The following IL17RC variants were observed in gnomAD, a reference collection of about 807,000 sequenced individuals.
IL17RC encodes interleukin 17 receptor C, also known as interleukin-17 receptor C.
Under a neutral mutation model 86.7 loss-of-function variants are expected in IL17RC, and 53 were observed. That is an observed-to-expected ratio of 0.61 (90% CI 0.49 to 0.77). The LOEUF (loss-of-function observed/expected upper bound fraction) is 0.77, where lower values mean the gene tolerates loss of function less well. Among genes scored for constraint, IL17RC ranks in the 30% least tolerant of loss-of-function variants. IL17RC has a pLI of 0.00. For missense variants in IL17RC, 957 were observed against 940.0 expected, an observed-to-expected ratio of 1.02 and a Z score of -0.24; for synonymous variants, 439 against 413.1, an observed-to-expected ratio of 1.06 and a Z score of -0.76.
Position 9,918,133 on chromosome 3 carries a change from A to C in IL17RC, c.280+58A>C, listed in dbSNP as rs940516546. 8.5e-6 allele frequency: 13 copies of C among 1,524,180 alleles called. No individual in the cohort carries two copies. In the African/African-American group the frequency reaches 1.4e-4, roughly 16 times the overall value. The allele number at this position is 1,524,180 out of a possible 1,614,324, so 94.4% of individuals were successfully genotyped here. A position where few individuals can be genotyped will look rare whatever the true frequency, so the allele number is the denominator to read the frequency against. On this transcript the variant is annotated intron_variant, in intron 3 of 18. Coordinates refer to ENST00000403601, the MANE Select transcript of IL17RC (RefSeq NM_153460.4). ...ACACGTGAGTGTGTCTGGGGTGGGC[A>C]TGAGGGCCAGGGGATCTCTCAAGCA...
chr3:9,918,992 T>G (rs1055929780), intron 5 of IL17RC: 9 of 160,216 alleles, frequency 5.6e-5, no homozygotes, highest in Admixed American at 4.5e-4. Context: ...CTTCCCATCT[T>G]TGCCAACACT....
chr3:9,932,472 C>A, intron 16 of IL17RC, 136 bp from the exon 17 acceptor site: 1 of 805,286 alleles, frequency 1.2e-6, no homozygotes, highest in East Asian at 2.5e-5. Flanking sequence ...GTGATCTGCC[C>A]GCCTCGGCCT....
Position 9,917,539 on chromosome 3 carries a change from C to G in IL17RC, c.105+119C>G, listed in dbSNP as rs1273968107. 8.1e-6 allele frequency: 13 copies of G among 1,614,058 alleles called. No individual in the cohort carries two copies. The highest frequency in any genetic ancestry group is 1.7e-5 in the Admixed American group (1 of 60,006). On this transcript the variant is annotated intron_variant, in intron 1 of 18. Transcript: ENST00000403601. ...GCCAGAACTGCCCTGTCTGGTCTGT[C>G]TGGTGCTGATGGTAGAAGAGAAGAA...
At chr3:9,927,591 C>T (rs1444314122) in intron 9 of IL17RC, among the ~76,000 whole-genome samples, 1 of 151,076 alleles carries the variant, frequency 6.6e-6, no homozygotes, top group Non-Finnish European at 1.5e-5. Context: ...TTTAATTATC[C>T]AAGGTCTCTT....
intron 6 of IL17RC, 23 bp downstream of exon 6, chr3:9,920,625 G>GC (rs1452571096): frequency 1.3e-6 from 2 of 1,484,566 alleles, no homozygotes; most frequent in Non-Finnish European, 1.9e-6. Context: ...CCAAGTCCTG[G>GC]CCCCCTAGCC....
At chr3:9,929,711 C>T in intron 12 of IL17RC, 141 bp from the exon 13 acceptor site, 1 of 840,602 alleles carries the variant, frequency 1.2e-6, no homozygotes, top group South Asian at 1.4e-5. Flanking sequence ...AATCACCCAG[C>T]CTTGAATCCA....
chr3:9,924,346 G>T, intron 9 of IL17RC, 55 bp downstream of exon 9: 1 of 1,530,856 alleles, frequency 6.5e-7, no homozygotes, highest in Non-Finnish European at 9.0e-7. Flanking sequence ...TGATGATGGG[G>T]GTGATCCCTG....
chr3:9,933,227 G>T lies in IL17RC; in HGVS notation c.1797G>T (p.Gly599=), dbSNP rs770588776. 7 of 1,606,644 alleles carry T rather than the reference G, an allele frequency of 4.4e-6. No individual in the cohort carries two copies. The Middle Eastern group carries it at 5.2e-4, about 119-fold the overall frequency. The change falls in exon 19 of 19, where the codon GGG becomes GGT. Residue 599 remains glycine, a synonymous_variant. Coordinates refer to ENST00000403601, the MANE Select transcript of IL17RC (RefSeq NM_153460.4). The stretch of plus-strand genomic sequence containing the variant: ...AGTGGCTACAGGATGGGGTGTCCGG[G>T]CCCGGGGCGCACGGCCCGCACGACG... ...CSEWLQDGVS[G]PGAHGPHDAF... is the part of the protein sequence containing the mutation.
At chr3:9,927,081 G>A (rs562988989) in intron 9 of IL17RC, among the ~76,000 whole-genome samples, 32 of 152,282 alleles carry the variant, frequency 2.1e-4, no homozygotes, top group African/African-American at 7.5e-4. Flanking sequence ...CCACATAGTC[G>A]GTGTTCCTAA....
intron 5 of IL17RC, among the ~76,000 whole-genome samples, chr3:9,920,088 G>A (rs895943405): frequency 6.6e-6 from 1 of 152,214 alleles, no homozygotes; most frequent in African/African-American, 2.4e-5. Flanking sequence ...TGTAGACTGG[G>A]AGAACATCTG....
chr3:9,929,969 C>A, intron 13 of IL17RC, 59 bp from the exon 14 acceptor site: 1 of 1,613,586 alleles, frequency 6.2e-7, no homozygotes, highest in Non-Finnish European at 8.5e-7. Flanking sequence ...GGGAGGCAGG[C>A]AAGTGGCCAA....
At position 9,928,149 on chromosome 3, in the gene IL17RC, C is replaced by A; in HGVS notation, c.823-17C>A. 2 of 1,613,874 alleles carry A rather than the reference C, an allele frequency of 1.2e-6. No individual in the cohort carries two copies. The highest frequency in any genetic ancestry group is 2.2e-5 in the South Asian group (2 of 91,072). On this transcript the variant is annotated splice_polypyrimidine_tract_variant and intron_variant, in intron 9 of 18. Coordinates refer to ENST00000403601, the MANE Select transcript of IL17RC (RefSeq NM_153460.4). ...GCCCATGGAGGGGACCTGAGCAGAC[C>A]CCCATTTCCTTTCCAGGTGTGGCCT...
In IL17RC at chr3:9,930,752, A is replaced by G; in HGVS notation, c.1339-143A>G. On this transcript the variant is annotated intron_variant, in intron 15 of 18. Transcript: ENST00000403601. The surrounding 1 kb of genome is among the most constrained non-coding windows in gnomAD (Gnocchi z 5.8). ...TCATACCCTAGTCAGTGGGCACAGCACAAAGGCAGAGCAGCTGCAGGAACC... is the reference window on the plus strand; with the variant it reads ...TCATACCCTAGTCAGTGGGCACAGCGCAAAGGCAGAGCAGCTGCAGGAACC... 2.4e-6 allele frequency: 2 copies of G among 818,126 alleles called. No homozygotes were observed. The highest frequency in any genetic ancestry group is 4.3e-6 in the Non-Finnish European group (2 of 463,972). 50.7% of individuals were successfully genotyped at this position (818,126 alleles called of 1,614,324 possible). A position where few individuals can be genotyped will look rare whatever the true frequency, so the allele number is the denominator to read the frequency against.
intron 9 of IL17RC, 62 bp downstream of exon 9, chr3:9,924,353 C>A: frequency 6.7e-7 from 1 of 1,498,154 alleles, no homozygotes; most frequent in South Asian, 1.1e-5. Flanking sequence ...GGGGGTGATC[C>A]CTGCCTTCCT....
chr3:9,924,013 A>G lies in IL17RC; in HGVS notation c.755A>G (p.Lys252Arg), dbSNP rs746770056. ...GGCCCCCCAAAACCCCGGTGGCACA[A>G]AAACCTGGTGAGGCCTCCCCCTTCC... ...VQGPPKPRWH[K>R]NLTGPQIITL... The change falls in exon 8 of 19, where the codon AAA becomes AGA. Residue 252 changes from lysine (K) to arginine (R), a missense_variant. Coordinates refer to ENST00000403601, the MANE Select transcript of IL17RC (RefSeq NM_153460.4). 2 of 1,613,794 alleles carry G rather than the reference A, an allele frequency of 1.2e-6. No individual in the cohort carries two copies. Among genetic ancestry groups the G allele is most frequent in the Non-Finnish European group, 1.7e-6 (2 of 1,180,020 alleles).
intron 5 of IL17RC, among the ~76,000 whole-genome samples, chr3:9,919,437 G>A (rs2083363275): frequency 6.6e-6 from 1 of 152,118 alleles, no homozygotes; most frequent in Non-Finnish European, 1.5e-5. Context: ...GAAGTCAGGA[G>A]ATTGAGACCA....
Position 9,924,401 on chromosome 3 carries a change from A to T in IL17RC, c.822+110A>T, listed in dbSNP as rs1349562597. On this transcript the variant is annotated intron_variant, in intron 9 of 18. Transcript: ENST00000403601. ...CTTCAAACCCTTCATTGAGGTGGAG[A>T]CTGTGGCTCCCTGGGGTGGCTGGCC... The T allele has an allele frequency of 2.6e-6, 3 of 1,139,834 alleles. No individual in the cohort carries two copies. In the East Asian group the frequency reaches 7.5e-5, roughly 28 times the overall value. The allele number at this position is 1,139,834 out of a possible 1,614,324, so 70.6% of individuals were successfully genotyped here.
chr3:9,932,874 C>G lies in IL17RC; in HGVS notation c.1522+16C>G. ...CGCTCGGGGGGTGAGTGGGAGCAAG[C>G]GCTGGGCGGAGGGCCGCCCCCGGGG... On this transcript the variant is annotated intron_variant, in intron 18 of 18. Transcript: ENST00000403601. 3 of 1,586,470 alleles carry G rather than the reference C, an allele frequency of 1.9e-6. No homozygotes were observed. The highest frequency in any genetic ancestry group is 2.6e-6 in the Non-Finnish European group (3 of 1,169,674).
In IL17RC at chr3:9,917,604, G is replaced by A. The variant is rs781279005; in HGVS notation, c.106-109G>A. 1.9e-6 allele frequency: 3 copies of A among 1,614,182 alleles called. No homozygotes were observed. Among genetic ancestry groups the A allele is most frequent in the South Asian group, 1.1e-5 (1 of 91,086 alleles). The stretch of plus-strand genomic sequence containing the variant: ...GAGCTGGGTCTGTCTTTCTCTGGGA[G>A]GGTCTGGGAATACGGAGCCCCAGAA... On this transcript the variant is annotated intron_variant, in intron 1 of 18. Coordinates refer to ENST00000403601, the MANE Select transcript of IL17RC (RefSeq NM_153460.4).
Sources: gnomAD v4.1 joint callset for allele counts (sites outside exome capture counted in the v4.1 genomes callset) on GRCh38, gnomAD v4.1.1 for gene constraint, Gnocchi (gnomAD v3.1) non-coding constraint, MANE v1.5 for transcripts, NCBI Gene and HGNC (gene_info 2026-07-23, HGNC 2026-07-21) for gene names.